RBPJ: variants seen among roughly 807,000 people sequenced by gnomAD.
RBPJ encodes the protein recombination signal binding protein for immunoglobulin kappa J region.
RBPJ carries 9 observed loss-of-function variants against 67.8 expected under a neutral mutation model. The ratio of observed to expected loss-of-function variants is 0.13; its 90% confidence interval spans 0.08 to 0.23. The LOEUF (loss-of-function observed/expected upper bound fraction) is 0.23. Ranked by LOEUF, RBPJ falls within the 10% of genes least tolerant of loss-of-function variation. The pLI, the probability that RBPJ is intolerant of heterozygous loss-of-function variation, is 1.00. For synonymous variants in RBPJ, 198 were observed against 203.3 expected (o/e 0.97, Z 0.22); for missense variants, 305 against 595.6 (o/e 0.51, Z 5.08).
At chr4:26,198,407 C>T (rs1717861496) in intron 1 of RBPJ, among the ~76,000 whole-genome samples, 1 of 152,124 alleles carries the variant, frequency 6.6e-6, no homozygotes, top group Non-Finnish European at 1.5e-5. Context: ...GCTGTATCTC[C>T]ACCTTCTAGA....
chr4:26,320,497 C>G (rs559649899), upstream of RBPJ: 23 of 468,188 alleles, frequency 4.9e-5, 2 homozygotes, highest in African/African-American at 4.4e-4. Context: ...AGGAGGCGCC[C>G]AGGGAACGTT....
chr4:26,161,088 T>G (rs780292890), upstream of RBPJ, among the ~76,000 whole-genome samples: 2 of 152,214 alleles, frequency 1.3e-5, no homozygotes, highest in Non-Finnish European at 2.9e-5. Flanking sequence ...CTCTGATTAA[T>G]AGAATGGGCA....
In RBPJ at chr4:26,406,421, G is replaced by A. The variant is rs191150346; in HGVS notation, c.155+151G>A. The A allele has an allele frequency of 3.7e-4, 224 of 601,336 alleles. 1 individual carries two copies. The East Asian group carries it at 5.5e-3, about 15-fold the overall frequency. 37.3% of individuals were successfully genotyped at this position (601,336 alleles called of 1,614,324 possible). ...TAGGGGATTTGTCTCCTGAAGGGGA[G>A]AAACAAAGTGAATTGTGGTATACTG... On this transcript the variant is annotated intron_variant, in intron 3 of 10. Transcript: ENST00000355476.
chr4:26,158,973 CTCTCT>C (rs1716028908), upstream of RBPJ, among the ~76,000 whole-genome samples: 1 of 151,588 alleles, frequency 6.6e-6, no homozygotes, highest in Non-Finnish European at 1.5e-5. Context: ...CTCTCTCTCT[CTCTCT>C]CTCTCAATTT....
intron 1 of RBPJ, among the ~76,000 whole-genome samples, chr4:26,299,936 C>T (rs1183912453): frequency 1.3e-5 from 2 of 152,038 alleles, no homozygotes; most frequent in Admixed American, 6.6e-5. Flanking sequence ...CCACCCGCCT[C>T]GGCCTCCCAA....
intron 1 of RBPJ, among the ~76,000 whole-genome samples, chr4:26,175,356 A>C (rs959658954): frequency 5.3e-5 from 8 of 151,510 alleles, no homozygotes; most frequent in African/African-American, 1.9e-4. Flanking sequence ...CCTCCACCCT[A>C]CAAGCTGGGG....
chr4:26,374,877 C>T (rs1029997382), intron 1 of RBPJ, among the ~76,000 whole-genome samples: 4 of 152,012 alleles, frequency 2.6e-5, no homozygotes, highest in African/African-American at 9.7e-5. Context: ...TAACAGAGTA[C>T]GTGGAAAATC....
chr4:26,424,293 C>T lies in RBPJ; in HGVS notation c.497-49C>T, dbSNP rs112254700. The T allele has an allele frequency of 1.9e-3, 2,993 of 1,586,380 alleles. 55 individuals are homozygous for T. In the African/African-American group the frequency reaches 0.036, roughly 19 times the overall value. ...CAGAATTTCCTTCTTTTGCTCCCTC[C>T]CCACCTTCTGCTCCAATCACATAAA... is the stretch of plus-strand genomic sequence containing the variant. On this transcript the variant is annotated intron_variant, in intron 5 of 10. Transcript: ENST00000355476. The surrounding 1 kb of genome is among the most constrained non-coding windows in gnomAD (Gnocchi z 5.3).
chr4:26,237,436 G>A (rs111418208), intron 1 of RBPJ, among the ~76,000 whole-genome samples: 297 of 152,124 alleles, frequency 2.0e-3, no homozygotes, highest in South Asian at 0.011. Context: ...TATTTTGCAC[G>A]GTGTTAAAGA....
At chr4:26,223,251 G>A (rs772493651) in intron 1 of RBPJ, among the ~76,000 whole-genome samples, 35 of 152,114 alleles carry the variant, frequency 2.3e-4, no homozygotes, top group Non-Finnish European at 4.9e-4. Context: ...AGGCTCACTG[G>A]CTTTATGTGG....
chr4:26,241,222 A>T (rs1463699209), intron 1 of RBPJ, among the ~76,000 whole-genome samples: 1 of 151,694 alleles, frequency 6.6e-6, no homozygotes, highest in African/African-American at 2.4e-5. Context: ...AAAAAAAAAA[A>T]TTGAGCACTT....
chr4:26,271,957 C>T (rs1186584053), intron 1 of RBPJ, among the ~76,000 whole-genome samples: 2 of 152,158 alleles, frequency 1.3e-5, no homozygotes, highest in Non-Finnish European at 2.9e-5. Flanking sequence ...TGGGTGCATA[C>T]ATGCTTGTAC....
At chr4:26,270,402 A>AAAGAAAGAAAGAAAGG (rs1720858119) in intron 1 of RBPJ, among the ~76,000 whole-genome samples, 1 of 71,968 alleles carries the variant, frequency 1.4e-5, no homozygotes, top group African/African-American at 4.3e-5. Context: ...AGAAAGAAAG[A>AAAGAAAGAAAGAAAGG]AAGAAAGAAA....
intron 4 of RBPJ, among the ~76,000 whole-genome samples, chr4:26,419,030 G>A (rs986659384): frequency 6.6e-6 from 1 of 152,174 alleles, no homozygotes; most frequent in African/African-American, 2.4e-5. Flanking sequence ...CCAGGCTGGA[G>A]TGCGGTGGTG....
the RBPJ span, among the ~76,000 whole-genome samples, chr4:26,109,623 CCTCTCTCTCTCTCTCTCTGTCTCT>C: frequency 2.9e-4 from 6 of 20,790 alleles, no homozygotes; most frequent in South Asian, 2.9e-3. Context: ...TGTCCACCTT[CCTCTCTCTCTCTCTCTCTGTCTCT>C]CTCTCTCTCT....
At chr4:26,374,902 C>G (rs1198828288) in intron 1 of RBPJ, among the ~76,000 whole-genome samples, 1 of 152,112 alleles carries the variant, frequency 6.6e-6, no homozygotes, top group Non-Finnish European at 1.5e-5. Context: ...ACATTATAAT[C>G]TAGTTAACAT....
At chr4:26,378,286 C>A (rs1162853225) in intron 1 of RBPJ, among the ~76,000 whole-genome samples, 1 of 152,178 alleles carries the variant, frequency 6.6e-6, no homozygotes, top group Non-Finnish European at 1.5e-5. Flanking sequence ...TTGTCTCATT[C>A]AGTCTTGATA....
intron 1 of RBPJ, among the ~76,000 whole-genome samples, chr4:26,270,437 GAAGAAAGAAAGAAAGAAAGA>G (rs1553855392): frequency 3.3e-5 from 1 of 30,200 alleles, no homozygotes; most frequent in Non-Finnish European, 9.8e-5. Context: ...AAGAAAGAAA[GAAGAAAGAAAGAAAGAAAGA>G]AAAGAAAAGG....
At chr4:26,320,788 A>C (rs1722936039), upstream of RBPJ, 1 of 1,555,516 alleles carries the variant, frequency 6.4e-7, no homozygotes, top group Non-Finnish European at 8.7e-7. Context: ...CCCGCGGAGG[A>C]GCCGCCTGCG....
Sources: allele counts gnomAD v4.1 joint callset (sites outside exome capture counted in the v4.1 genomes callset), GRCh38; gene constraint gnomAD v4.1.1; non-coding constraint Gnocchi (gnomAD v3.1); transcripts MANE v1.5; gene names NCBI Gene and HGNC (gene_info 2026-07-23, HGNC 2026-07-21).